Variants in RNF217 observed in about 807,000 individuals in gnomAD.
The protein encoded by RNF217 is ring finger protein 217.
In RNF217, 31 loss-of-function variants were observed where a neutral mutation model predicts 57.8. The observed-to-expected ratio is 0.54, with a 90% CI of 0.40 to 0.72. The LOEUF (loss-of-function observed/expected upper bound fraction) is 0.72. Ranked by LOEUF, RNF217 falls within the 30% of genes least tolerant of loss-of-function variation. The pLI is 0.00. For missense variants in RNF217, 696 were observed against 708.3 expected (o/e 0.98, Z 0.20); for synonymous variants, 313 against 294.0 (o/e 1.06, Z -0.66).
At chr6:125,011,565 T>C (rs753586704) in intron 1 of RNF217, among the ~76,000 whole-genome samples, 1 of 152,134 alleles carries the variant, frequency 6.6e-6, no homozygotes, top group Non-Finnish European at 1.5e-5. Flanking sequence ...ATATAATTAC[T>C]TGGAAAAAAA....
intron 3 of RNF217, among the ~76,000 whole-genome samples, chr6:125,063,426 T>C (rs773945807): frequency 5.3e-5 from 8 of 152,196 alleles, no homozygotes; most frequent in Non-Finnish European, 1.2e-4. Context: ...TGCATAGTCA[T>C]TTCTGGATTC....
chr6:125,042,468 A>G (rs1013849175), intron 1 of RNF217, among the ~76,000 whole-genome samples: 8 of 152,038 alleles, frequency 5.3e-5, no homozygotes, highest in Non-Finnish European at 1.2e-4. Flanking sequence ...GTTCAATAAA[A>G]TATGAGGTCT....
At position 125,048,116 on chromosome 6, in the gene RNF217, C is replaced by A. The variant is rs1787164893; in HGVS notation, c.1116+2672C>A. The A allele has an allele frequency of 4.0e-6, 4 of 998,374 alleles. No homozygotes were observed. In the African/African-American group the frequency reaches 6.7e-5, roughly 17 times the overall value. 61.8% of individuals were successfully genotyped at this position (998,374 alleles called of 1,614,324 possible). On this transcript the variant is annotated intron_variant, in intron 2 of 5. Coordinates refer to ENST00000521654, the MANE Select transcript of RNF217 (RefSeq NM_001286398.3). ...TGTGGTTTATGTTAACATTAACTAC[C>A]TGGTTTACATGCCCATACCTGTCTG...
chr6:125,006,051 T>G (rs1785166944), intron 1 of RNF217: 1 of 152,212 alleles, frequency 6.6e-6, no homozygotes, highest in Non-Finnish European at 1.5e-5. Flanking sequence ...GGAAAGTGCT[T>G]TCAAAGTCTG....
rs1788391080 is a variant in RNF217 at position 125,076,793 on chromosome 6, G to A, written c.1418G>A (p.Gly473Glu). ...GDHTSNLSIF[G>E]CKYRYLPERP... ...CACACATCAAACCTCAGTATATTTG[G>A]ATGCAAATATCGCTACCTCCCAGAG... The change falls in exon 4 of 6, where the codon GGA becomes GAA. Residue 473 changes from glycine to glutamate, a missense_variant. Gly to Glu is a moderately conservative substitution (Grantham distance 98). Coordinates refer to ENST00000521654, the MANE Select transcript of RNF217 (RefSeq NM_001286398.3). The A allele has an allele frequency of 6.2e-7, 1 of 1,613,370 alleles. No individual in the cohort carries two copies. The highest frequency in any genetic ancestry group is 1.7e-5 in the Admixed American group (1 of 59,914).
chr6:125,045,322 T>C lies in RNF217; in HGVS notation c.994T>C (p.Tyr332His). 1.2e-6 allele frequency: 2 copies of C among 1,613,492 alleles called. No homozygotes were observed. The highest frequency in any genetic ancestry group is 1.7e-6 in the Non-Finnish European group (2 of 1,179,660). The change falls in exon 2 of 6, where the codon TAC becomes CAC. Residue 332 changes from tyrosine to histidine, a missense_variant. Tyr to His is a moderately conservative substitution (Grantham distance 83). Coordinates refer to ENST00000521654, the MANE Select transcript of RNF217 (RefSeq NM_001286398.3). ...GCATGAAGACTCCATCAAGTATAAG[T>C]ACTTCTTGGAACTTGGCCGTATTGA... is the stretch of plus-strand genomic sequence containing the variant. Reference protein sequence around the residue: ...LTHEDSIKYKYFLELGRIDSS... With the variant: ...LTHEDSIKYKHFLELGRIDSS...
chr6:124,976,480 G>A lies in RNF217; in HGVS notation c.882+13054G>A, dbSNP rs183396193. ...AGATGGGGTTTCACTATGTTGGCCA[G>A]GCTGCTCTCAAACTCCTGACCTCAA... On this transcript the variant is annotated intron_variant, in intron 1 of 5. Transcript: ENST00000521654. Among the ~76,000 whole-genome samples, 339 of 151,998 alleles carry A rather than the reference G, an allele frequency of 2.2e-3. 1 individual carries two copies. Among genetic ancestry groups the A allele is most frequent in the African/African-American group, 7.4e-3 (305 of 41,422 alleles).
intron 3 of RNF217, among the ~76,000 whole-genome samples, chr6:125,068,048 G>A (rs529852084): frequency 6.6e-6 from 1 of 152,046 alleles, no homozygotes; most frequent in Non-Finnish European, 1.5e-5. Flanking sequence ...TGCAGATGGG[G>A]GTCATGGATA....
intron 1 of RNF217, among the ~76,000 whole-genome samples, chr6:124,982,364 A>C (rs1344697580): frequency 1.3e-5 from 2 of 152,168 alleles, no homozygotes; most frequent in African/African-American, 4.8e-5. Flanking sequence ...ATTTTTCCTC[A>C]AAAGTACCAA....
chr6:125,057,525 TA>T (rs1330405461), intron 2 of RNF217, among the ~76,000 whole-genome samples: 2 of 152,128 alleles, frequency 1.3e-5, no homozygotes, highest in Non-Finnish European at 2.9e-5. Flanking sequence ...TGGGGCTTTT[TA>T]AAAATAAAAT....
intron 1 of RNF217, among the ~76,000 whole-genome samples, chr6:125,040,131 C>CAA (rs199981900): frequency 5.9e-5 from 9 of 151,806 alleles, no homozygotes; most frequent in African/African-American, 2.2e-4. Flanking sequence ...AAAAAACCTT[C>CAA]AAAAAAATCA....
At chr6:124,978,069 C>G (rs2115006363) in intron 1 of RNF217, among the ~76,000 whole-genome samples, 1 of 152,150 alleles carries the variant, frequency 6.6e-6, no homozygotes, top group Admixed American at 6.5e-5. Flanking sequence ...TAGCACCATG[C>G]TAATCATTAT....
chr6:125,066,826 GAATA>G (rs1303788052), intron 3 of RNF217, among the ~76,000 whole-genome samples: 1 of 152,138 alleles, frequency 6.6e-6, no homozygotes, highest in Non-Finnish European at 1.5e-5. Context: ...GATAATGGCT[GAATA>G]AATAAATGAA....
At chr6:125,054,599 A>G (rs775303950) in intron 2 of RNF217, among the ~76,000 whole-genome samples, 8 of 152,192 alleles carry the variant, frequency 5.3e-5, no homozygotes, top group Non-Finnish European at 1.0e-4. Context: ...AACAATGAGC[A>G]CCCATGCTAC....
rs553717450 is a variant in RNF217, at chr6:125,087,082, C to T, written c.*4145C>T. 1 of 152,248 alleles carries T rather than the reference C, an allele frequency of 6.6e-6. No individual in the cohort carries two copies. The highest frequency in any genetic ancestry group is 2.1e-4 in the South Asian group (1 of 4,832). 9.4% of individuals were successfully genotyped at this position (152,248 alleles called of 1,614,324 possible). Reference sequence around the variant, plus strand: ...AGGAGAGACAGGAGGGGCCTAAAAACTCACTCTGGTATGTGGGAAACATTA... The same window carrying T: ...AGGAGAGACAGGAGGGGCCTAAAAATTCACTCTGGTATGTGGGAAACATTA... On this transcript the variant is annotated 3_prime_UTR_variant, in exon 6 of 6. Transcript: ENST00000521654.
intron 1 of RNF217, among the ~76,000 whole-genome samples, chr6:125,035,673 T>A (rs1445154873): frequency 6.6e-6 from 1 of 152,158 alleles, no homozygotes; most frequent in Non-Finnish European, 1.5e-5. Context: ...TCAATCCAGT[T>A]TATCAAAATG....
intron 2 of RNF217, chr6:125,048,007 A>G (rs1008578015): frequency 2.9e-5 from 9 of 315,386 alleles, no homozygotes; most frequent in South Asian, 2.2e-4. Flanking sequence ...ACAAAGTTCT[A>G]GCAATGATTC....
At position 125,083,418 on chromosome 6, in the gene RNF217, C is replaced by T. The variant is rs1004584786; in HGVS notation, c.*481C>T. 2 of 152,178 alleles carry T rather than the reference C, an allele frequency of 1.3e-5. No homozygotes were observed. The highest frequency in any genetic ancestry group is 2.9e-5 in the Non-Finnish European group (2 of 68,148). 9.4% of individuals were successfully genotyped at this position (152,178 alleles called of 1,614,324 possible). ...TGAATGCACCTATTATAATCTGTGG[C>T]CCCAGCAGTATAATTCTTTTATCTT... is the stretch of plus-strand genomic sequence containing the variant. On this transcript the variant is annotated 3_prime_UTR_variant, in exon 6 of 6. Coordinates refer to ENST00000521654, the MANE Select transcript of RNF217 (RefSeq NM_001286398.3).
rs576441117 is a variant in RNF217, at chr6:125,081,571, T to C, written c.1555+64T>C. 50 of 1,233,284 alleles carry C rather than the reference T, an allele frequency of 4.1e-5. 1 individual carries two copies. The South Asian group carries it at 5.3e-4, about 13-fold the overall frequency. 76.4% of individuals were successfully genotyped at this position (1,233,284 alleles called of 1,614,324 possible). A position where few individuals can be genotyped will look rare whatever the true frequency, so the allele number is the denominator to read the frequency against. On this transcript the variant is annotated intron_variant, in intron 5 of 5. Transcript: ENST00000521654. ...GAGGGCCATAGAGAGAATACGAGTG[T>C]AAATGTAATAATATGAATCAGTTAT...
Sources: gnomAD v4.1 joint callset for allele counts (sites outside exome capture counted in the v4.1 genomes callset) on GRCh38, gnomAD v4.1.1 for gene constraint, MANE v1.5 for transcripts, NCBI Gene and HGNC (gene_info 2026-07-23, HGNC 2026-07-21) for gene names.